The following SPIDR variants were observed in gnomAD, a reference collection of about 807,000 sequenced individuals.
SPIDR encodes scaffold protein involved in DNA repair, also known as DNA repair-scaffolding protein.
SPIDR carries 93 observed loss-of-function variants against 104.6 expected under a neutral mutation model. The ratio of observed to expected loss-of-function variants is 0.89; its 90% CI spans 0.75 to 1.06. The LOEUF (loss-of-function observed/expected upper bound fraction) is 1.06, where lower values mean the gene tolerates loss of function less well. Among genes scored for constraint, SPIDR ranks in the 50% least tolerant of loss-of-function variants. The probability of loss-of-function intolerance (pLI) is 0.00; values close to 1 mark genes in which losing one functional copy is unlikely to be tolerated. For missense variants in SPIDR, 1,154 were observed against 1,111.2 expected, an observed-to-expected ratio of 1.04 and a Z score of -0.55; for synonymous variants, 431 against 416.9, an observed-to-expected ratio of 1.03 and a Z score of -0.41.
intron 8 of SPIDR, among the ~76,000 whole-genome samples, chr8:47,504,587 C>G (rs1027624082): frequency 2.0e-4 from 31 of 152,262 alleles, no homozygotes; most frequent in African/African-American, 7.0e-4. Flanking sequence ...CAAACTTCCT[C>G]CTTTAGCTCG....
At chr8:47,404,343 G>T (rs1554665874) in intron 6 of SPIDR, among the ~76,000 whole-genome samples, 1 of 152,198 alleles carries the variant, frequency 6.6e-6, no homozygotes, top group African/African-American at 2.4e-5. Context: ...AGCCAAAATT[G>T]ACAAGTGGGA....
intron 5 of SPIDR, among the ~76,000 whole-genome samples, chr8:47,347,678 G>GTTGAA: frequency 6.6e-6 from 1 of 151,996 alleles, no homozygotes; most frequent in East Asian, 1.9e-4. Context: ...AGCTCTTCTT[G>GTTGAA]TTGATCCCTT....
chr8:47,346,327 C>T (rs987049437), intron 5 of SPIDR, among the ~76,000 whole-genome samples: 1 of 147,796 alleles, frequency 6.8e-6, no homozygotes, highest in Non-Finnish European at 1.5e-5. Flanking sequence ...CCGACTTGTT[C>T]GTGGTGGATA....
At chr8:47,594,570 C>G (rs1277469409) in intron 8 of SPIDR, among the ~76,000 whole-genome samples, 1 of 152,094 alleles carries the variant, frequency 6.6e-6, no homozygotes, top group Non-Finnish European at 1.5e-5. Flanking sequence ...AGTTTTCTGC[C>G]TTTCTAGGCT....
At chr8:47,625,767 G>A (rs1224129179) in intron 10 of SPIDR, among the ~76,000 whole-genome samples, 4 of 152,090 alleles carry the variant, frequency 2.6e-5, no homozygotes, top group African/African-American at 9.7e-5. Context: ...AACATTCCAT[G>A]CTCATGGGTA....
At chr8:47,495,002 C>T (rs2079227381) in intron 8 of SPIDR, among the ~76,000 whole-genome samples, 1 of 152,050 alleles carries the variant, frequency 6.6e-6, no homozygotes, top group African/African-American at 2.4e-5. Flanking sequence ...TAAGACAGGG[C>T]CACCCCAGTG....
chr8:47,719,565 G>A (rs138838662), intron 16 of SPIDR, among the ~76,000 whole-genome samples: 241 of 152,110 alleles, frequency 1.6e-3, no homozygotes, highest in Admixed American at 3.5e-3. Flanking sequence ...GTCTGATTAC[G>A]GCCAGCATTG....
intron 8 of SPIDR, among the ~76,000 whole-genome samples, chr8:47,519,604 G>A (rs964887813): frequency 4.6e-5 from 7 of 152,128 alleles, no homozygotes; most frequent in Middle Eastern, 3.2e-3. Context: ...GCAATATGGC[G>A]AGACCCTGTC....
At chr8:47,321,167 G>A (rs1554595046) in intron 5 of SPIDR, among the ~76,000 whole-genome samples, 1 of 152,184 alleles carries the variant, frequency 6.6e-6, no homozygotes, top group African/African-American at 2.4e-5. Context: ...CCTGTTTGCA[G>A]ATGATACGAT....
At chr8:47,263,383 G>A (rs1368309266) in intron 1 of SPIDR, among the ~76,000 whole-genome samples, 1 of 152,100 alleles carries the variant, frequency 6.6e-6, no homozygotes, top group African/African-American at 2.4e-5. Flanking sequence ...CATTTCTGCT[G>A]ATTGAAACCT....
intron 8 of SPIDR, among the ~76,000 whole-genome samples, chr8:47,447,513 C>T (rs1357572186): frequency 2.6e-5 from 4 of 152,154 alleles, no homozygotes; most frequent in Non-Finnish European, 5.9e-5. Flanking sequence ...CGCGCCTGGC[C>T]AGAAACGGGT....
intron 8 of SPIDR, among the ~76,000 whole-genome samples, chr8:47,574,731 G>C (rs2058882207): frequency 6.6e-6 from 1 of 150,704 alleles, no homozygotes; most frequent in South Asian, 2.1e-4. Context: ...CTGGGCGACA[G>C]AGTAAGACTC....
chr8:47,592,226 G>A, intron 8 of SPIDR: 1 of 1,316,852 alleles, frequency 7.6e-7, no homozygotes, highest in South Asian at 1.2e-5. Flanking sequence ...CCACTGCTCT[G>A]CTACATCATT....
intron 5 of SPIDR, among the ~76,000 whole-genome samples, chr8:47,370,785 A>G (rs1554638268): frequency 6.6e-6 from 1 of 151,954 alleles, no homozygotes; most frequent in Non-Finnish European, 1.5e-5. Flanking sequence ...CGCATAGTAG[A>G]TTTTTAAAAA....
At chr8:47,432,190 C>T (rs1402412788) in intron 7 of SPIDR, among the ~76,000 whole-genome samples, 4 of 151,850 alleles carry the variant, frequency 2.6e-5, no homozygotes, top group Non-Finnish European at 5.9e-5. Context: ...TGTAACTTCT[C>T]AAAAGAAAAA....
intron 5 of SPIDR, among the ~76,000 whole-genome samples, chr8:47,332,857 T>C (rs530974525): frequency 1.4e-3 from 173 of 121,306 alleles, no homozygotes; most frequent in Non-Finnish European, 2.4e-3. Context: ...GTTTGTTTTT[T>C]TCTTGTAAAT....
chr8:47,516,069 G>T (rs552259508), intron 8 of SPIDR, among the ~76,000 whole-genome samples: 1 of 152,068 alleles, frequency 6.6e-6, no homozygotes, highest in Non-Finnish European at 1.5e-5. Flanking sequence ...TCGGCCTCCC[G>T]AAGTGCTGGG....
At chr8:47,532,990 G>T (rs2086274469) in intron 8 of SPIDR, among the ~76,000 whole-genome samples, 1 of 152,092 alleles carries the variant, frequency 6.6e-6, no homozygotes, top group South Asian at 2.1e-4. Context: ...AAGTTAAACA[G>T]TACACTTCTA....
intron 8 of SPIDR, among the ~76,000 whole-genome samples, chr8:47,546,178 T>G (rs2089333300): frequency 1.3e-5 from 2 of 151,348 alleles, no homozygotes; most frequent in Non-Finnish European, 2.9e-5. Context: ...TATGGAGAAT[T>G]GATACTAATT....
Sources: allele counts gnomAD v4.1 joint callset (sites outside exome capture counted in the v4.1 genomes callset), GRCh38; gene constraint gnomAD v4.1.1; transcripts MANE v1.5; gene names NCBI Gene and HGNC (gene_info 2026-07-23, HGNC 2026-07-21).